HPS1: variants seen among roughly 807,000 people sequenced by gnomAD.
The protein encoded by HPS1 is HPS1 biogenesis of lysosomal organelles complex 3 subunit 1, also known as BLOC-3 complex member HPS1.
A neutral mutation model predicts 90.6 loss-of-function variants in HPS1; 59 were observed. The ratio of observed to expected loss-of-function variants is 0.65; its 90% CI spans 0.53 to 0.81. The LOEUF is 0.81. Among genes scored for constraint, HPS1 ranks in the 30% least tolerant of loss-of-function variants. The probability of loss-of-function intolerance (pLI) is 0.00; values close to 1 mark genes in which losing one functional copy is unlikely to be tolerated. For missense variants in HPS1, 849 were observed against 896.7 expected, an observed-to-expected ratio of 0.95 and a Z score of 0.68; for synonymous variants, 388 against 384.4, an observed-to-expected ratio of 1.01 and a Z score of -0.11.
intron 3 of HPS1, among the ~76,000 whole-genome samples, chr10:98,436,250 G>C (rs1461782665): frequency 1.3e-5 from 2 of 152,108 alleles, no homozygotes; most frequent in African/African-American, 4.8e-5. Flanking sequence ...TTAACATCTA[G>C]TATCAGGGAA....
chr10:98,414,761 A>C (rs1843931465), downstream of HPS1: 1 of 485,394 alleles, frequency 2.1e-6, no homozygotes, highest in African/African-American at 2.0e-5. Flanking sequence ...CCATGGGAAG[A>C]TCCAAGCCCA....
At chr10:98,443,895 T>G (rs1938937339) in intron 2 of HPS1, among the ~76,000 whole-genome samples, 1 of 152,026 alleles carries the variant, frequency 6.6e-6, no homozygotes, top group African/African-American at 2.4e-5. Context: ...TAGCCAGGCA[T>G]GGTGGCAAGT....
In HPS1 at chr10:98,425,945, G is replaced by C. The variant is rs1376517554; in HGVS notation, c.1028C>G (p.Pro343Arg). ...DTLQTLVPHC[P>R]VPSGPRRIFL... is the part of the protein sequence containing the mutation. ...GATCCTTCTGGGGCCGGAAGGCACA[G>C]GGCAGTGGGGAACCAGTGTTTGGAG... Residue 343 changes from proline (P) to arginine (R), a missense_variant, in exon 12 of 20, where the codon CCT becomes CGT. Physicochemically the swap from Pro to Arg is moderately radical, Grantham distance 103 (BLOSUM62 -2). Coordinates refer to ENST00000361490, the MANE Select transcript of HPS1 (RefSeq NM_000195.5). 6.2e-7 allele frequency: 1 copy of C among 1,614,160 alleles called. No individual in the cohort carries two copies. Among genetic ancestry groups the C allele is most frequent in the South Asian group, 1.1e-5 (1 of 91,082 alleles).
rs1158733865 is a variant in HPS1 at position 98,416,859 on chromosome 10, C to G, written c.*705G>C. ...CAGAAGCTTTGAAAGACATCAAAGGCTGGGCTCCACGGCCGCCAAGGGAAT... is the reference window on the plus strand; with the variant it reads ...CAGAAGCTTTGAAAGACATCAAAGGGTGGGCTCCACGGCCGCCAAGGGAAT... On this transcript the variant is annotated 3_prime_UTR_variant, in exon 20 of 20. Transcript: ENST00000361490. 1 of 152,350 alleles carries G rather than the reference C, an allele frequency of 6.6e-6. No individual in the cohort carries two copies. The highest frequency in any genetic ancestry group is 1.5e-5 in the Non-Finnish European group (1 of 68,074). 9.4% of individuals were successfully genotyped at this position (152,350 alleles called of 1,614,324 possible). A position where few individuals can be genotyped will look rare whatever the true frequency, so the allele number is the denominator to read the frequency against.
chr10:98,433,843 A>T, intron 6 of HPS1, 140 bp downstream of exon 6: 2 of 1,280,374 alleles, frequency 1.6e-6, no homozygotes, highest in Non-Finnish European at 2.2e-6. Flanking sequence ...ATGGCCAGAA[A>T]GAACAACTCT....
At chr10:98,415,201 G>T (rs1843969163), downstream of HPS1, 1 of 1,566,564 alleles carries the variant, frequency 6.4e-7, no homozygotes, top group South Asian at 1.2e-5. Flanking sequence ...TGCTGCCCTA[G>T]GCACGGGGTG....
intron 1 of HPS1, among the ~76,000 whole-genome samples, chr10:98,446,555 C>T (rs1257708277): frequency 1.3e-5 from 2 of 152,186 alleles, no homozygotes; most frequent in Non-Finnish European, 2.9e-5. Context: ...GAGAGCGAGT[C>T]AGCAGTTCGC....
intron 3 of HPS1, among the ~76,000 whole-genome samples, chr10:98,441,184 GTA>G (rs1454543457): frequency 6.6e-6 from 1 of 152,092 alleles, no homozygotes; most frequent in Non-Finnish European, 1.5e-5. Flanking sequence ...TGCATCCCCA[GTA>G]AAAATATTTT....
rs370788424 is a variant in HPS1, at chr10:98,431,201, C to T, written c.598G>A (p.Glu200Lys). The change falls in exon 7 of 20, where the codon GAG becomes AAG. Residue 200 changes from glutamate (E) to lysine (K), a missense_variant. Transcript: ENST00000361490. ...HVIQAVNTSP[E>K]RGGEEALHAF... ...TGCAGGGCCTCCTCGCCTCCCCGCT[C>T]GGGGCTGGTGTTGACAGCCTGGATG... is the stretch of plus-strand genomic sequence containing the variant. 3.1e-5 allele frequency: 50 copies of T among 1,613,982 alleles called. No homozygotes were observed. The highest frequency in any genetic ancestry group is 3.3e-4 in the Middle Eastern group (2 of 6,082).
rs1458932629 is a variant in HPS1, at chr10:98,426,681, A to G, written c.987+534T>C. On this transcript the variant is annotated intron_variant, in intron 11 of 19. Coordinates refer to ENST00000361490, the MANE Select transcript of HPS1 (RefSeq NM_000195.5). Reference sequence around the variant, plus strand: ...AGGAAATGGAAAAATGTTTAAATAAAAAAGTATAATGAAACACGTTAGTAT... The same window carrying G: ...AGGAAATGGAAAAATGTTTAAATAAGAAAGTATAATGAAACACGTTAGTAT... Among the ~76,000 whole-genome samples the G allele has an allele frequency of 2.0e-5, 3 of 152,322 alleles. No individual in the cohort carries two copies. In the East Asian group the frequency reaches 5.8e-4, roughly 29 times the overall value.
At chr10:98,426,045 C>A (rs980967138) in intron 11 of HPS1, 60 bp from the exon 12 acceptor site, 13 of 1,447,704 alleles carry the variant, frequency 9.0e-6, no homozygotes, top group South Asian at 8.0e-5. Context: ...CCACCCATTG[C>A]GGCCCTATCT....
intron 3 of HPS1, among the ~76,000 whole-genome samples, chr10:98,437,782 AC>A (rs1937628660): frequency 1.3e-5 from 2 of 152,336 alleles, no homozygotes; most frequent in Middle Eastern, 3.4e-3. Flanking sequence ...CAGGAATAGA[AC>A]TTTTTTTTGG....
At chr10:98,421,602 A>C (rs1844855252) in intron 17 of HPS1, among the ~76,000 whole-genome samples, 2 of 152,220 alleles carry the variant, frequency 1.3e-5, no homozygotes, top group South Asian at 4.1e-4. Flanking sequence ...AACCAACAGA[A>C]AGAAACGTAC....
At chr10:98,439,898 G>A (rs1938115679) in intron 3 of HPS1, among the ~76,000 whole-genome samples, 1 of 152,140 alleles carries the variant, frequency 6.6e-6, no homozygotes, top group African/African-American at 2.4e-5. Flanking sequence ...TGAATCATGG[G>A]AGCAGTTTCC....
chr10:98,444,415 C>T (rs1229296258), intron 2 of HPS1, among the ~76,000 whole-genome samples: 1 of 152,208 alleles, frequency 6.6e-6, no homozygotes, highest in African/African-American at 2.4e-5. Context: ...AAACTTGGGG[C>T]AGCCTGACCA....
chr10:98,440,503 C>A (rs1938224133), intron 3 of HPS1, among the ~76,000 whole-genome samples: 2 of 151,620 alleles, frequency 1.3e-5, no homozygotes, highest in South Asian at 2.1e-4. Context: ...GAAGAAATAT[C>A]TTGATATAAT....
In HPS1 at chr10:98,416,382, A is replaced by G. The variant is rs1844119615; in HGVS notation, c.*1182T>C. On this transcript the variant is annotated 3_prime_UTR_variant, in exon 20 of 20. Transcript: ENST00000361490. ...AGTTTTTTCCTTTATGTTTTTCTGT[A>G]TTTTCCACAATCCACGCTTTTCATT... The G allele has an allele frequency of 6.6e-6, 1 of 152,244 alleles. No individual in the cohort carries two copies. The allele number at this position is 152,244 out of a possible 1,614,324, so 9.4% of individuals were successfully genotyped here. A position where few individuals can be genotyped will look rare whatever the true frequency, so the allele number is the denominator to read the frequency against.
intron 1 of HPS1, 105 bp downstream of exon 1, chr10:98,446,702 C>G (rs1163877673): frequency 6.6e-6 from 1 of 152,038 alleles, no homozygotes; most frequent in Non-Finnish European, 1.5e-5. Context: ...CTCTTCACGG[C>G]TGAGGAACTT....
At chr10:98,443,071 T>G in intron 3 of HPS1, 53 bp downstream of exon 3, 4 of 1,273,836 alleles carry the variant, frequency 3.1e-6, no homozygotes, top group Non-Finnish European at 4.6e-6. Context: ...GCTGGGAGTT[T>G]TGTATGGTTC....
Sources: gnomAD v4.1 joint callset for allele counts (sites outside exome capture counted in the v4.1 genomes callset) on GRCh38, gnomAD v4.1.1 for gene constraint, MANE v1.5 for transcripts, NCBI Gene and HGNC (gene_info 2026-07-23, HGNC 2026-07-21) for gene names.